ERC2: variants seen among roughly 807,000 people sequenced by gnomAD.
ERC2 encodes the protein ERC protein 2.
In ERC2, 42 loss-of-function variants were observed where a neutral mutation model predicts 114.8. That is an observed-to-expected ratio of 0.37 (90% CI 0.29 to 0.47). The LOEUF is 0.47. Ranked by LOEUF, ERC2 falls within the 20% of genes least tolerant of loss-of-function variation. The pLI, the probability that ERC2 is intolerant of heterozygous loss-of-function variation, is 0.99. For synonymous variants in ERC2, 454 were observed against 425.5 expected (o/e 1.07, Z -0.82); for missense variants, 939 against 1,150.7 (o/e 0.82, Z 2.66).
At chr3:56,319,490 G>A (rs2057027239) in intron 2 of ERC2, among the ~76,000 whole-genome samples, 1 of 152,144 alleles carries the variant, frequency 6.6e-6, no homozygotes, top group African/African-American at 2.4e-5. Flanking sequence ...GCAACAGGGT[G>A]TTGCTATGCA....
At chr3:56,257,587 A>C (rs931268267) in intron 3 of ERC2, among the ~76,000 whole-genome samples, 2 of 152,254 alleles carry the variant, frequency 1.3e-5, no homozygotes, top group South Asian at 4.1e-4. Context: ...CATCACGTTC[A>C]AGGCCAAATT....
At chr3:56,286,409 C>A (rs2150335754) in intron 3 of ERC2, among the ~76,000 whole-genome samples, 4 of 59,496 alleles carry the variant, frequency 6.7e-5, no homozygotes, top group Non-Finnish European at 1.3e-4. Context: ...AGTGAAACTC[C>A]ATCTCAAAAA....
intron 17 of ERC2, among the ~76,000 whole-genome samples, chr3:55,529,311 T>C (rs1448864956): frequency 1.3e-5 from 2 of 152,230 alleles, no homozygotes; most frequent in Non-Finnish European, 2.9e-5. Context: ...GAGTCAATTT[T>C]CCAGTGAGCT....
intron 3 of ERC2, among the ~76,000 whole-genome samples, chr3:56,188,544 A>G (rs1012681939): frequency 6.6e-6 from 1 of 152,178 alleles, no homozygotes; most frequent in African/African-American, 2.4e-5. Flanking sequence ...CCATGAGAGA[A>G]CACAGTTATG....
chr3:56,355,389 G>C (rs1034425183), intron 2 of ERC2, among the ~76,000 whole-genome samples: 3 of 149,684 alleles, frequency 2.0e-5, no homozygotes, highest in Admixed American at 6.7e-5. Flanking sequence ...CGTGATCACA[G>C]CTCACTGCAA....
At chr3:55,883,597 A>C (rs1275228771) in intron 14 of ERC2, among the ~76,000 whole-genome samples, 1 of 151,932 alleles carries the variant, frequency 6.6e-6, no homozygotes, top group Non-Finnish European at 1.5e-5. Context: ...GATAAATTGG[A>C]ATAATGTTAA....
chr3:55,963,804 G>A (rs902754658), intron 12 of ERC2, among the ~76,000 whole-genome samples: 12 of 152,284 alleles, frequency 7.9e-5, no homozygotes, highest in Non-Finnish European at 1.6e-4. Context: ...TTGACCCCCT[G>A]GGGGCTAACG....
chr3:55,714,949 G>A (rs1197585343), intron 15 of ERC2, among the ~76,000 whole-genome samples: 1 of 151,768 alleles, frequency 6.6e-6, no homozygotes, highest in Non-Finnish European at 1.5e-5. Flanking sequence ...TTAGTTCTGG[G>A]GAAAAGACTC....
chr3:55,550,826 C>G (rs537131507), intron 17 of ERC2, among the ~76,000 whole-genome samples: 2 of 151,894 alleles, frequency 1.3e-5, no homozygotes, highest in Non-Finnish European at 2.9e-5. Context: ...ACCATCCTGG[C>G]TAACACGGTG....
intron 17 of ERC2, among the ~76,000 whole-genome samples, chr3:55,513,896 A>C (rs2052296886): frequency 6.6e-6 from 1 of 151,990 alleles, no homozygotes. Flanking sequence ...CAGGCTCCCA[A>C]AGTGCTGGGA....
In ERC2 at chr3:56,156,195, C is replaced by CA. The variant is rs749188274; in HGVS notation, c.1150-7064dup. Reference sequence around the variant, plus strand: ...GAAGAATCACCAAAAGAAAGAGGGGCAAAAATCATGGAAATTATGGAAAAG... The same window carrying CA: ...GAAGAATCACCAAAAGAAAGAGGGGCAAAAAATCATGGAAATTATGGAAAAG... On this transcript the variant is annotated intron_variant, in intron 4 of 17. Transcript: ENST00000288221. Among the ~76,000 whole-genome samples, 6 of 151,774 alleles carry CA rather than the reference C, an allele frequency of 4.0e-5. No individual in the cohort carries two copies. The East Asian group carries it at 1.2e-3, about 29-fold the overall frequency.
At chr3:55,894,317 A>T (rs2063744192) in intron 13 of ERC2, among the ~76,000 whole-genome samples, 1 of 152,214 alleles carries the variant, frequency 6.6e-6, no homozygotes, top group African/African-American at 2.4e-5. Flanking sequence ...AATTTGCTTT[A>T]AACATGTATT....
At chr3:55,863,396 T>C (rs745329608) in intron 14 of ERC2, among the ~76,000 whole-genome samples, 11 of 152,104 alleles carry the variant, frequency 7.2e-5, no homozygotes, top group Admixed American at 2.6e-4. Context: ...ATACTATAAG[T>C]ACATGGAAAA....
intron 14 of ERC2, among the ~76,000 whole-genome samples, chr3:55,845,135 T>C (rs920487988): frequency 3.3e-5 from 5 of 152,166 alleles, no homozygotes; most frequent in African/African-American, 1.2e-4. Context: ...CATCTCCTGC[T>C]GTGCAACCTG....
At chr3:55,529,218 A>T (rs1246312036) in intron 17 of ERC2, among the ~76,000 whole-genome samples, 3 of 152,178 alleles carry the variant, frequency 2.0e-5, no homozygotes, top group Non-Finnish European at 4.4e-5. Context: ...ACCATCATAA[A>T]CATTTAATTA....
At chr3:55,901,032 G>A (rs1240711065) in intron 13 of ERC2, among the ~76,000 whole-genome samples, 2 of 152,172 alleles carry the variant, frequency 1.3e-5, no homozygotes, top group Non-Finnish European at 2.9e-5. Context: ...CTACTGAGAG[G>A]CTCTGGGAGG....
chr3:55,948,842 G>A (rs1264740601), intron 13 of ERC2, among the ~76,000 whole-genome samples: 2 of 152,162 alleles, frequency 1.3e-5, no homozygotes, highest in Non-Finnish European at 2.9e-5. Context: ...TCTGCATATA[G>A]TAAACAAATC....
chr3:56,110,016 A>G (rs1309609407), intron 6 of ERC2, among the ~76,000 whole-genome samples: 1 of 152,226 alleles, frequency 6.6e-6, no homozygotes, highest in Non-Finnish European at 1.5e-5. Flanking sequence ...AAGAGTTAAT[A>G]TTTCTAATAT....
intron 14 of ERC2, among the ~76,000 whole-genome samples, chr3:55,797,558 C>T (rs1263030773): frequency 6.6e-6 from 1 of 152,124 alleles, no homozygotes; most frequent in Admixed American, 6.5e-5. Flanking sequence ...CCCCAGATCA[C>T]CAAGCATATA....
Sources: allele counts gnomAD v4.1 joint callset (sites outside exome capture counted in the v4.1 genomes callset), GRCh38; gene constraint gnomAD v4.1.1; transcripts MANE v1.5; gene names NCBI Gene and HGNC (gene_info 2026-07-23, HGNC 2026-07-21).